IPO5: variants seen among roughly 807,000 people sequenced by gnomAD.
IPO5 encodes the protein importin 5.
Under a neutral mutation model 143.3 loss-of-function variants are expected in IPO5, and 18 were observed. The observed-to-expected ratio is 0.13, with a 90% CI of 0.09 to 0.19. IPO5 has a LOEUF of 0.19. Among genes scored for constraint, IPO5 ranks in the 10% least tolerant of loss-of-function variants. The pLI is 1.00. For missense variants in IPO5, 1,013 were observed against 1,336.9 expected (o/e 0.76, Z 3.78); for synonymous variants, 477 against 465.7 (o/e 1.02, Z -0.31).
At chr13:97,955,250 C>G (rs1044230394) in intron 2 of IPO5, among the ~76,000 whole-genome samples, 2 of 151,432 alleles carry the variant, frequency 1.3e-5, no homozygotes, top group African/African-American at 4.9e-5. Context: ...AAGAAAAATA[C>G]CTAAGTGGCC....
At chr13:97,957,811 T>A (rs932930254) in intron 2 of IPO5, among the ~76,000 whole-genome samples, 1 of 152,130 alleles carries the variant, frequency 6.6e-6, no homozygotes, top group African/African-American at 2.4e-5. Flanking sequence ...CTCTGAAGAT[T>A]TCAGAAGTAG....
At chr13:97,955,950 G>A (rs1465316777) in intron 2 of IPO5, among the ~76,000 whole-genome samples, 3 of 152,082 alleles carry the variant, frequency 2.0e-5, no homozygotes, top group East Asian at 1.9e-4. Context: ...GCTTAACACG[G>A]TGAAACCCCG....
chr13:97,959,421 T>C (rs1955819197), intron 2 of IPO5, among the ~76,000 whole-genome samples: 1 of 151,804 alleles, frequency 6.6e-6, no homozygotes, highest in African/African-American at 2.4e-5. Context: ...CATCTTTCAT[T>C]GTCACCTCCT....
At position 98,014,932 on chromosome 13, in the gene IPO5, T is replaced by G. The variant is rs1594128370; in HGVS notation, c.2326-598T>G. On this transcript the variant is annotated intron_variant, in intron 22 of 28. Transcript: ENST00000651721. ...GATGTCTCCTTTCTTTTCCTCTCAG[T>G]TCATTCTCCTTTCCTCAAGCACTGC... is the stretch of plus-strand genomic sequence containing the variant. Among the ~76,000 whole-genome samples the G allele has an allele frequency of 6.6e-5, 10 of 152,028 alleles. No homozygotes were observed. The South Asian group carries it at 2.1e-3, about 32-fold the overall frequency.
At chr13:97,964,600 G>A (rs1218334823) in intron 2 of IPO5, among the ~76,000 whole-genome samples, 3 of 151,656 alleles carry the variant, frequency 2.0e-5, no homozygotes, top group Non-Finnish European at 1.5e-5. Context: ...ACCACACCCA[G>A]CTAATTTTTT....
At chr13:98,004,167 C>T (rs1007040100) in intron 16 of IPO5, among the ~76,000 whole-genome samples, 18 of 152,170 alleles carry the variant, frequency 1.2e-4, no homozygotes, top group African/African-American at 3.6e-4. Flanking sequence ...GATAAACCTG[C>T]TCTCAAATTG....
chr13:97,984,418 T>G (rs1219028500), intron 5 of IPO5, among the ~76,000 whole-genome samples: 2 of 152,208 alleles, frequency 1.3e-5, no homozygotes, highest in African/African-American at 4.8e-5. Flanking sequence ...TTAACTAGAT[T>G]TAAGAATTAG....
intron 12 of IPO5, among the ~76,000 whole-genome samples, chr13:97,999,040 A>G (rs1888538292): frequency 6.6e-6 from 1 of 152,140 alleles, no homozygotes; most frequent in African/African-American, 2.4e-5. Flanking sequence ...CTACTCGGGA[A>G]GCTAAGCGAG....
At chr13:98,003,377 A>G (rs1888957720) in intron 16 of IPO5, among the ~76,000 whole-genome samples, 1 of 152,198 alleles carries the variant, frequency 6.6e-6, no homozygotes, top group Non-Finnish European at 1.5e-5. Flanking sequence ...AAATTATCAT[A>G]TGGTAAAAAA....
At position 97,961,423 on chromosome 13, in the gene IPO5, C is replaced by T. The variant is rs372436069; in HGVS notation, c.-113+7225C>T. On this transcript the variant is annotated intron_variant, in intron 2 of 28. Coordinates refer to ENST00000651721, the MANE Select transcript of IPO5 (RefSeq NM_002271.6). Reference sequence around the variant, plus strand: ...CTCGGCTCAACGCAACCTCTGCCTCCCAGGTTCAAGTGATTCTCATGCCTC... The same window carrying T: ...CTCGGCTCAACGCAACCTCTGCCTCTCAGGTTCAAGTGATTCTCATGCCTC... 6.6e-5 allele frequency among the ~76,000 whole-genome samples: 10 copies of T among 152,308 alleles called. No individual in the cohort carries two copies. In the East Asian group the frequency reaches 1.5e-3, roughly 24 times the overall value.
chr13:97,981,572 GC>G (rs1425390863), intron 4 of IPO5, among the ~76,000 whole-genome samples: 1 of 152,214 alleles, frequency 6.6e-6, no homozygotes, highest in East Asian at 1.9e-4. Context: ...AGCAATGAGA[GC>G]AGGTAAGCTC....
At chr13:97,994,602 A>G (rs963821083) in intron 11 of IPO5, among the ~76,000 whole-genome samples, 7 of 152,236 alleles carry the variant, frequency 4.6e-5, no homozygotes, top group African/African-American at 1.7e-4. Flanking sequence ...TCTCAAATTA[A>G]TCTAGGGTTA....
At chr13:98,008,182 G>T (rs757411085) in intron 18 of IPO5, 40 bp downstream of exon 18, 2 of 1,153,280 alleles carry the variant, frequency 1.7e-6, no homozygotes, top group Non-Finnish European at 1.3e-6. Context: ...CCGCTAATGA[G>T]TTGTGGACAG....
Position 98,002,462 on chromosome 13 carries a change from G to A in IPO5, c.1109-5G>A. The stretch of plus-strand genomic sequence containing the variant: ...TGCTATTCCATCTGTAATTTTTTTC[G>A]GTAGCTGACTGGAAATACCGGCATG... On this transcript the variant is annotated splice_region_variant and splice_polypyrimidine_tract_variant and intron_variant, in intron 13 of 28. Transcript: ENST00000651721. The A allele has an allele frequency of 5.0e-6, 8 of 1,611,486 alleles. No homozygotes were observed. The highest frequency in any genetic ancestry group is 4.4e-5 in the South Asian group (4 of 90,504).
chr13:98,022,115 T>G lies in IPO5; in HGVS notation c.*293T>G. On this transcript the variant is annotated 3_prime_UTR_variant, in exon 29 of 29. Coordinates refer to ENST00000651721, the MANE Select transcript of IPO5 (RefSeq NM_002271.6). Reference sequence around the variant, plus strand: ...AGGGGAAAGGGAAATCAAATTAATTTTTCTCGTTAGACATAAGGAAATTTA... The same window carrying G: ...AGGGGAAAGGGAAATCAAATTAATTGTTCTCGTTAGACATAAGGAAATTTA... 4.0e-6 allele frequency: 1 copy of G among 249,582 alleles called. No homozygotes were observed. Among genetic ancestry groups the G allele is most frequent in the Non-Finnish European group, 7.7e-6 (1 of 129,420 alleles). The allele number at this position is 249,582 out of a possible 1,614,324, so 15.5% of individuals were successfully genotyped here.
intron 4 of IPO5, among the ~76,000 whole-genome samples, chr13:97,978,884 TTCTC>T (rs780401227): frequency 6.6e-6 from 1 of 152,232 alleles, no homozygotes; most frequent in Non-Finnish European, 1.5e-5. Flanking sequence ...TCAGCACATT[TTCTC>T]ATAAAGAACA....
intron 27 of IPO5, among the ~76,000 whole-genome samples, chr13:98,020,340 G>A (rs1359995939): frequency 1.3e-5 from 2 of 152,188 alleles, no homozygotes; most frequent in Non-Finnish European, 2.9e-5. Context: ...TGCCACTATT[G>A]TAGCAATAGG....
intron 1 of IPO5, 157 bp downstream of exon 1, chr13:97,953,873 AG>A (rs1215266503): frequency 1.1e-5 from 5 of 455,702 alleles, no homozygotes; most frequent in South Asian, 7.8e-5. Context: ...GTCATACCCA[AG>A]AGGAAGGAAA....
chr13:97,986,667 A>G (rs927481938), intron 6 of IPO5, among the ~76,000 whole-genome samples: 1 of 152,174 alleles, frequency 6.6e-6, no homozygotes, highest in African/African-American at 2.4e-5. Flanking sequence ...TACATTTTTA[A>G]TGCCCAAAAA....
Sources: allele counts gnomAD v4.1 joint callset (sites outside exome capture counted in the v4.1 genomes callset), GRCh38; gene constraint gnomAD v4.1.1; transcripts MANE v1.5; gene names NCBI Gene and HGNC (gene_info 2026-07-23, HGNC 2026-07-21).